Variants in NPAS3 observed in about 807,000 individuals in gnomAD.
The protein encoded by NPAS3 is neuronal PAS domain protein 3, also known as neuronal PAS domain-containing protein 3.
Under a neutral mutation model 73.1 loss-of-function variants are expected in NPAS3, and 14 were observed. The observed-to-expected ratio is 0.19, with a 90% CI of 0.13 to 0.30. NPAS3 has a LOEUF of 0.30. Ranked by LOEUF, NPAS3 falls within the 10% of genes least tolerant of loss-of-function variation. The pLI, the probability that NPAS3 is intolerant of heterozygous loss-of-function variation, is 1.00. For synonymous variants in NPAS3, 620 were observed against 541.5 expected, an observed-to-expected ratio of 1.14 and a Z score of -2.01; for missense variants, 1,096 against 1,250.0, an observed-to-expected ratio of 0.88 and a Z score of 1.86.
chr14:33,651,125 A>G (rs1454760442), intron 5 of NPAS3, among the ~76,000 whole-genome samples: 1 of 152,228 alleles, frequency 6.6e-6, no homozygotes, highest in African/African-American at 2.4e-5. Flanking sequence ...CTTTGTTCAC[A>G]AGGCCCGTGC....
intron 5 of NPAS3, among the ~76,000 whole-genome samples, chr14:33,584,034 A>G (rs2056773383): frequency 6.6e-6 from 1 of 152,206 alleles, no homozygotes; most frequent in Non-Finnish European, 1.5e-5. Flanking sequence ...TTACTAATGT[A>G]GACTATAACC....
intron 4 of NPAS3, among the ~76,000 whole-genome samples, chr14:33,398,235 A>G (rs1249306732): frequency 1.3e-5 from 2 of 151,758 alleles, no homozygotes; most frequent in East Asian, 3.9e-4. Context: ...AAAGAAAGTT[A>G]AATGAAGCAA....
At chr14:33,693,822 A>G (rs894829442) in intron 6 of NPAS3, among the ~76,000 whole-genome samples, 1 of 152,226 alleles carries the variant, frequency 6.6e-6, no homozygotes, top group African/African-American at 2.4e-5. Flanking sequence ...AAAGTGAATA[A>G]CAAACAGGAC....
At chr14:32,975,312 C>CCGTCACTCCCTTCCTT (rs1412144525) in intron 1 of NPAS3, among the ~76,000 whole-genome samples, 39 of 148,756 alleles carry the variant, frequency 2.6e-4, no homozygotes, top group Non-Finnish European at 4.9e-4. Flanking sequence ...CTCCCTGCCT[C>CCGTCACTCCCTTCCTT]CGTCACTCCC....
At chr14:33,651,759 C>T (rs1407795187) in intron 5 of NPAS3, among the ~76,000 whole-genome samples, 3 of 152,122 alleles carry the variant, frequency 2.0e-5, no homozygotes, top group African/African-American at 7.2e-5. Context: ...GACGTAAATG[C>T]TCAATACATG....
At chr14:33,447,390 G>A (rs190401640) in intron 4 of NPAS3, among the ~76,000 whole-genome samples, 47 of 152,270 alleles carry the variant, frequency 3.1e-4, no homozygotes, top group African/African-American at 1.0e-3. Context: ...GTGTGTGGGC[G>A]CACGCACGCA....
chr14:33,203,090 T>A (rs942530509), intron 2 of NPAS3, among the ~76,000 whole-genome samples: 1 of 152,248 alleles, frequency 6.6e-6, no homozygotes, highest in African/African-American at 2.4e-5. Flanking sequence ...ACATTGCAAG[T>A]TAAACATTAC....
intron 2 of NPAS3, among the ~76,000 whole-genome samples, chr14:33,209,289 T>G (rs749909795): frequency 6.6e-6 from 1 of 152,144 alleles, no homozygotes; most frequent in African/African-American, 2.4e-5. Flanking sequence ...AAAAATACTC[T>G]TGGAAGAATT....
chr14:33,771,036 A>T (rs936851052), intron 7 of NPAS3, among the ~76,000 whole-genome samples: 2 of 152,224 alleles, frequency 1.3e-5, no homozygotes, highest in Non-Finnish European at 2.9e-5. Flanking sequence ...GCGGCTATTA[A>T]GTGCCAGAGC....
chr14:32,935,598 G>A (rs1460721137), upstream of NPAS3, among the ~76,000 whole-genome samples: 1 of 152,204 alleles, frequency 6.6e-6, no homozygotes, highest in Non-Finnish European at 1.5e-5. Flanking sequence ...ATAAGATTCA[G>A]GGATACAAGT....
intron 4 of NPAS3, among the ~76,000 whole-genome samples, chr14:33,381,206 C>G (rs570519293): frequency 6.6e-6 from 1 of 152,320 alleles, no homozygotes; most frequent in Non-Finnish European, 1.5e-5. Flanking sequence ...TGTATCCTCT[C>G]TTGAGATCAC....
At chr14:33,498,598 A>G (rs1407189739) in intron 4 of NPAS3, among the ~76,000 whole-genome samples, 1 of 152,036 alleles carries the variant, frequency 6.6e-6, no homozygotes, top group Non-Finnish European at 1.5e-5. Flanking sequence ...GGAACAAAAA[A>G]CCAAACACCG....
intron 4 of NPAS3, among the ~76,000 whole-genome samples, chr14:33,539,180 T>A (rs1044408544): frequency 6.6e-6 from 1 of 151,964 alleles, no homozygotes; most frequent in African/African-American, 2.4e-5. Context: ...CTGAGCCAGA[T>A]GGAAACAGAG....
upstream of NPAS3, among the ~76,000 whole-genome samples, chr14:32,938,474 A>AGAGAGATT (rs2035779572): frequency 8.1e-6 from 1 of 122,854 alleles, no homozygotes; most frequent in African/African-American, 3.1e-5. Flanking sequence ...AGAGAGAGAG[A>AGAGAGATT]GAGAGAGAAA....
At chr14:33,642,278 C>A (rs1270396925) in intron 5 of NPAS3, among the ~76,000 whole-genome samples, 2 of 152,108 alleles carry the variant, frequency 1.3e-5, no homozygotes, top group Non-Finnish European at 2.9e-5. Flanking sequence ...TCCCCACCAT[C>A]CCCCAGATTA....
chr14:33,094,360 T>C (rs2042333803), intron 2 of NPAS3, among the ~76,000 whole-genome samples: 1 of 152,216 alleles, frequency 6.6e-6, no homozygotes, highest in Admixed American at 6.5e-5. Context: ...TCTGTTTTAT[T>C]TATGGTAAAC....
chr14:33,663,953 G>A (rs2059381325), intron 5 of NPAS3, among the ~76,000 whole-genome samples: 1 of 150,980 alleles, frequency 6.6e-6, no homozygotes, highest in Non-Finnish European at 1.5e-5. Flanking sequence ...AGTCTGGCTA[G>A]TGGTCTATTT....
At chr14:33,294,729 A>G (rs1346468226) in intron 3 of NPAS3, among the ~76,000 whole-genome samples, 2 of 152,206 alleles carry the variant, frequency 1.3e-5, no homozygotes, top group African/African-American at 4.8e-5. Flanking sequence ...CCAAATTTTA[A>G]TGGTGTCTGT....
At chr14:33,366,007 T>C (rs933868539) in intron 3 of NPAS3, among the ~76,000 whole-genome samples, 1 of 152,074 alleles carries the variant, frequency 6.6e-6, no homozygotes, top group Non-Finnish European at 1.5e-5. Flanking sequence ...AATAAAATTT[T>C]CAAAAAAAGC....
Sources: gnomAD v4.1 joint callset for allele counts (sites outside exome capture counted in the v4.1 genomes callset) on GRCh38, gnomAD v4.1.1 for gene constraint, MANE v1.5 for transcripts, NCBI Gene and HGNC (gene_info 2026-07-23, HGNC 2026-07-21) for gene names.